RIMBP2: variants seen among roughly 807,000 people sequenced by gnomAD.
RIMBP2 encodes RIMS binding protein 2, also known as RIMS-binding protein 2.
Under a neutral mutation model 118.6 loss-of-function variants are expected in RIMBP2, and 48 were observed. That is an observed-to-expected ratio of 0.40 (90% CI 0.32 to 0.51). The LOEUF (loss-of-function observed/expected upper bound fraction) is 0.51. Among genes scored for constraint, RIMBP2 ranks in the 20% least tolerant of loss-of-function variants. The pLI, the probability that RIMBP2 is intolerant of heterozygous loss-of-function variation, is 0.41. For synonymous variants in RIMBP2, 762 were observed against 742.9 expected (o/e 1.03, Z -0.42); for missense variants, 1,551 against 1,768.3 (o/e 0.88, Z 2.20).
intron 1 of RIMBP2, chr12:130,668,447 C>G (rs2064048405): frequency 6.6e-6 from 1 of 152,302 alleles, no homozygotes; most frequent in South Asian, 2.1e-4. Context: ...GCCTGCGCGC[C>G]TCCTGCACCT....
At chr12:130,592,112 T>A (rs2059307655) in intron 2 of RIMBP2, among the ~76,000 whole-genome samples, 1 of 152,184 alleles carries the variant, frequency 6.6e-6, no homozygotes, top group Non-Finnish European at 1.5e-5. Flanking sequence ...AACGGACAGC[T>A]GTTTCATGAC....
intron 1 of RIMBP2, chr12:130,651,544 C>G (rs67889898): frequency 2.0e-5 from 3 of 152,192 alleles, no homozygotes; most frequent in African/African-American, 7.2e-5. Context: ...CTGCCCACGG[C>G]ACAGCCGTCC....
chr12:130,685,394 G>A (rs866909356), intron 1 of RIMBP2, among the ~76,000 whole-genome samples: 3 of 152,164 alleles, frequency 2.0e-5, no homozygotes, highest in Non-Finnish European at 4.4e-5. Flanking sequence ...TGTTAAAAAT[G>A]GAACCAGGAA....
intron 4 of RIMBP2, among the ~76,000 whole-genome samples, chr12:130,494,529 C>T (rs2048951905): frequency 6.6e-6 from 1 of 151,970 alleles, no homozygotes; most frequent in Non-Finnish European, 1.5e-5. Context: ...ATCCCAGCTA[C>T]TCAGGAAGCT....
chr12:130,571,940 C>A (rs371329539), intron 2 of RIMBP2, among the ~76,000 whole-genome samples: 2 of 152,216 alleles, frequency 1.3e-5, no homozygotes, highest in Non-Finnish European at 2.9e-5. Flanking sequence ...CCCTGAGCAC[C>A]GTCCCTGGCT....
At chr12:130,551,594 C>T (rs961658819) in intron 2 of RIMBP2, among the ~76,000 whole-genome samples, 1 of 151,996 alleles carries the variant, frequency 6.6e-6, no homozygotes, top group Non-Finnish European at 1.5e-5. Flanking sequence ...GCTGCTAGTC[C>T]AACAGTGAAT....
At chr12:130,553,385 A>G (rs2056020769) in intron 2 of RIMBP2, among the ~76,000 whole-genome samples, 1 of 152,156 alleles carries the variant, frequency 6.6e-6, no homozygotes, top group Non-Finnish European at 1.5e-5. Flanking sequence ...CAATAACTCT[A>G]TAATGTGAGC....
rs2062967355 is a variant in RIMBP2 at position 130,646,425 on chromosome 12, C to CCCTCTCCACCTG, written c.-351-17970_-351-17969insCAGGTGGAGAGG. Among the ~76,000 whole-genome samples, 2 of 113,730 alleles carry CCCTCTCCACCTG rather than the reference C, an allele frequency of 1.8e-5. 1 individual carries two copies. The highest frequency in any genetic ancestry group is 4.2e-5 in the Non-Finnish European group (2 of 47,648). The allele number at this position is 113,730 out of a possible 152,430, so 74.6% of individuals were successfully genotyped here. A position where few individuals can be genotyped will look rare whatever the true frequency, so the allele number is the denominator to read the frequency against. On this transcript the variant is annotated intron_variant, in intron 1 of 22. Transcript: ENST00000690449. ...TGCCTCTCCACCTCCCTCACCACTT[C>CCCTCTCCACCTG]CCTCTCCACCTCCCTTGCCACCTCC...
At chr12:130,488,429 G>A (rs1281510564) in intron 4 of RIMBP2, among the ~76,000 whole-genome samples, 1 of 152,028 alleles carries the variant, frequency 6.6e-6, no homozygotes, top group Non-Finnish European at 1.5e-5. Context: ...AGGGGGTGGT[G>A]GGGGCCGTAA....
chr12:130,655,865 G>A (rs1438787644), intron 1 of RIMBP2, among the ~76,000 whole-genome samples: 1 of 152,226 alleles, frequency 6.6e-6, no homozygotes, highest in Non-Finnish European at 1.5e-5. Context: ...CACAGGCGAC[G>A]GGAATGTGGG....
rs941905454 is a variant in RIMBP2 at position 130,577,412 on chromosome 12, C to T, written c.-217+50910G>A. Among the ~76,000 whole-genome samples, 4 of 152,172 alleles carry T rather than the reference C, an allele frequency of 2.6e-5. No homozygotes were observed. The East Asian group carries it at 5.8e-4, about 22-fold the overall frequency. On this transcript the variant is annotated intron_variant, in intron 2 of 22. Coordinates refer to ENST00000690449, the MANE Select transcript of RIMBP2 (RefSeq NM_001393629.1). Reference sequence around the variant, plus strand: ...AAGGAGGTTTAAGGGACTCACAGTTCCACATGGCTGGGGAGGCCTCAGGAA... The same window carrying T: ...AAGGAGGTTTAAGGGACTCACAGTTTCACATGGCTGGGGAGGCCTCAGGAA...
At chr12:130,673,840 G>A (rs2064310333) in intron 1 of RIMBP2, among the ~76,000 whole-genome samples, 3 of 152,126 alleles carry the variant, frequency 2.0e-5, no homozygotes. Context: ...CAGGCACGGT[G>A]GCTTACGCCT....
At chr12:130,516,872 A>G (rs567500865) in intron 3 of RIMBP2, among the ~76,000 whole-genome samples, 1 of 152,328 alleles carries the variant, frequency 6.6e-6, no homozygotes, top group Non-Finnish European at 1.5e-5. Flanking sequence ...GGAAAAGACC[A>G]CAGGATGACA....
intron 1 of RIMBP2, among the ~76,000 whole-genome samples, chr12:130,675,417 C>T (rs1173040693): frequency 1.3e-5 from 2 of 152,196 alleles, no homozygotes; most frequent in Non-Finnish European, 1.5e-5. Context: ...ATCCACCACC[C>T]GCCAGCCTGC....
chr12:130,404,546 C>T (rs1259613250), intron 21 of RIMBP2, among the ~76,000 whole-genome samples: 5 of 152,172 alleles, frequency 3.3e-5, no homozygotes, highest in Admixed American at 1.3e-4. Context: ...GTGATCAGCA[C>T]GCCTCAGCCT....
intron 5 of RIMBP2, among the ~76,000 whole-genome samples, chr12:130,471,398 G>A (rs1042299464): frequency 5.3e-5 from 8 of 152,178 alleles, no homozygotes; most frequent in African/African-American, 1.9e-4. Context: ...GTTATTTCTT[G>A]TCCTCACAGG....
chr12:130,570,358 G>A (rs555885452), intron 2 of RIMBP2, among the ~76,000 whole-genome samples: 68 of 151,474 alleles, frequency 4.5e-4, no homozygotes, highest in Admixed American at 1.2e-3. Flanking sequence ...CCCAGGAGGC[G>A]GAGGTTGCAG....
intron 1 of RIMBP2, among the ~76,000 whole-genome samples, chr12:130,682,913 G>A (rs1412588813): frequency 1.3e-5 from 2 of 152,234 alleles, no homozygotes; most frequent in African/African-American, 4.8e-5. Flanking sequence ...CCCGAGCTAT[G>A]AGCAAAACAT....
intron 4 of RIMBP2, among the ~76,000 whole-genome samples, chr12:130,501,799 T>C (rs1368702928): frequency 6.6e-6 from 1 of 152,226 alleles, no homozygotes; most frequent in African/African-American, 2.4e-5. Context: ...CCCCACCAGC[T>C]TGCCCTTGAA....
Sources: allele counts gnomAD v4.1 joint callset (sites outside exome capture counted in the v4.1 genomes callset), GRCh38; gene constraint gnomAD v4.1.1; transcripts MANE v1.5; gene names NCBI Gene and HGNC (gene_info 2026-07-23, HGNC 2026-07-21).